FAM168A: variants seen among roughly 807,000 people sequenced by gnomAD.
FAM168A encodes the protein protein FAM168A.
FAM168A carries 3 observed loss-of-function variants against 28.5 expected under a neutral mutation model. The observed-to-expected ratio is 0.11, with a 90% confidence interval of 0.05 to 0.27. The LOEUF (loss-of-function observed/expected upper bound fraction) is 0.27. Among genes scored for constraint, FAM168A ranks in the 10% least tolerant of loss-of-function variants. The pLI is 1.00. For synonymous variants in FAM168A, 122 were observed against 124.2 expected, an observed-to-expected ratio of 0.98 and a Z score of 0.12; for missense variants, 222 against 311.5, an observed-to-expected ratio of 0.71 and a Z score of 2.16.
chr11:73,509,100 A>T (rs1855169451), intron 1 of FAM168A, among the ~76,000 whole-genome samples: 1 of 152,132 alleles, frequency 6.6e-6, no homozygotes, highest in African/African-American at 2.4e-5. Context: ...AGTTTCAGGT[A>T]TGTCTTTATT....
At chr11:73,422,529 G>T (rs1405172962) in intron 3 of FAM168A, among the ~76,000 whole-genome samples, 1 of 152,172 alleles carries the variant, frequency 6.6e-6, no homozygotes, top group Non-Finnish European at 1.5e-5. Context: ...CATTCTATTG[G>T]TGGGAGCGAT....
chr11:73,562,099 C>T (rs980216786), intron 1 of FAM168A, among the ~76,000 whole-genome samples: 2 of 151,980 alleles, frequency 1.3e-5, no homozygotes, highest in Admixed American at 6.6e-5. Flanking sequence ...CACGCCACCA[C>T]GTCCAGCTAA....
At chr11:73,465,583 A>AGG (rs370996904) in intron 2 of FAM168A, among the ~76,000 whole-genome samples, 1 of 151,576 alleles carries the variant, frequency 6.6e-6, no homozygotes, top group Admixed American at 6.6e-5. Flanking sequence ...CAGCATGGTC[A>AGG]TGCTGTGTTG....
chr11:73,475,640 T>TAA (rs141436441), intron 1 of FAM168A, among the ~76,000 whole-genome samples: 1,867 of 149,140 alleles, frequency 0.013, 38 homozygotes, highest in African/African-American at 0.043. Context: ...GATGAAATGT[T>TAA]AAAAAAAAAA....
At chr11:73,519,778 A>ATGTG (rs10567350) in intron 1 of FAM168A, among the ~76,000 whole-genome samples, 1 of 150,036 alleles carries the variant, frequency 6.7e-6, no homozygotes, top group Admixed American at 6.6e-5. Flanking sequence ...CAGAGCATGT[A>ATGTG]TGTGTGTGTG....
chr11:73,423,837 A>G (rs1866839105), intron 3 of FAM168A, among the ~76,000 whole-genome samples: 1 of 152,216 alleles, frequency 6.6e-6, no homozygotes, highest in African/African-American at 2.4e-5. Context: ...TCGTATTTTC[A>G]AAGGGCCAGC....
At chr11:73,570,895 T>C (rs1229994907) in intron 1 of FAM168A, among the ~76,000 whole-genome samples, 1 of 152,178 alleles carries the variant, frequency 6.6e-6, no homozygotes, top group Admixed American at 6.5e-5. Flanking sequence ...GAAACCCATC[T>C]CCTTACTTAG....
intron 1 of FAM168A, among the ~76,000 whole-genome samples, chr11:73,592,127 CTG>C (rs1944390243): frequency 6.6e-6 from 1 of 152,186 alleles, no homozygotes; most frequent in Non-Finnish European, 1.5e-5. Context: ...TTGAAGTTTA[CTG>C]TGAAAAATAT....
At chr11:73,581,332 G>GA (rs1164513510) in intron 1 of FAM168A, among the ~76,000 whole-genome samples, 2 of 152,020 alleles carry the variant, frequency 1.3e-5, no homozygotes, top group Admixed American at 6.6e-5. Flanking sequence ...GTTTGGCTTG[G>GA]AAAAAAACAG....
intron 1 of FAM168A, among the ~76,000 whole-genome samples, chr11:73,503,785 G>A (rs1855056494): frequency 6.6e-6 from 1 of 152,176 alleles, no homozygotes; most frequent in Non-Finnish European, 1.5e-5. Context: ...AACCAAAACA[G>A]CATGGTACTG....
chr11:73,496,763 T>G (rs563187831), intron 1 of FAM168A, among the ~76,000 whole-genome samples: 40 of 152,006 alleles, frequency 2.6e-4, no homozygotes, highest in Non-Finnish European at 5.6e-4. Context: ...GGTTTCACCG[T>G]GTTAGCCAGG....
Position 73,582,462 on chromosome 11 carries a change from G to A in FAM168A, c.-19+15461C>T, listed in dbSNP as rs555750915. ...GGCATGAACCCAGGAGGCGGAGCTT[G>A]CAGTGAGTCGAGATGGTGCCATTGC... On this transcript the variant is annotated intron_variant, in intron 1 of 7. Transcript: ENST00000356467. Among the ~76,000 whole-genome samples the A allele has an allele frequency of 1.3e-5, 2 of 151,744 alleles. 1 individual carries two copies. Among genetic ancestry groups the A allele is most frequent in the South Asian group, 4.2e-4 (2 of 4,808 alleles).
In FAM168A at chr11:73,587,759, T is replaced by C. The variant is rs1944332893; in HGVS notation, c.-19+10164A>G. Among the ~76,000 whole-genome samples, 3 of 152,190 alleles carry C rather than the reference T, an allele frequency of 2.0e-5. No homozygotes were observed. The South Asian group carries it at 6.2e-4, about 31-fold the overall frequency. ...AAATGGAATGTACATTTAAAGCATT[T>C]TTTTTTTTGAGATGGAGTCTAGTTC... is the stretch of plus-strand genomic sequence containing the variant. On this transcript the variant is annotated intron_variant, in intron 1 of 7. Transcript: ENST00000356467.
intron 3 of FAM168A, among the ~76,000 whole-genome samples, chr11:73,422,788 G>A (rs1866821048): frequency 2.0e-5 from 2 of 98,036 alleles, no homozygotes; most frequent in Non-Finnish European, 3.8e-5. Flanking sequence ...TCAATTAAAC[G>A]AGAGAGAGAG....
intron 1 of FAM168A, chr11:73,580,268 T>C: frequency 3.6e-6 from 2 of 556,510 alleles, no homozygotes; most frequent in South Asian, 2.8e-5. Context: ...CAAGAAAGGC[T>C]GAAGGGGATG....
intron 1 of FAM168A, among the ~76,000 whole-genome samples, chr11:73,555,643 G>A (rs1057186222): frequency 6.6e-6 from 1 of 151,576 alleles, no homozygotes; most frequent in Non-Finnish European, 1.5e-5. Flanking sequence ...GGGAGGCAGC[G>A]GTTGCAATGA....
chr11:73,434,955 T>C (rs1326623589), intron 2 of FAM168A, among the ~76,000 whole-genome samples: 1 of 152,224 alleles, frequency 6.6e-6, no homozygotes, highest in Non-Finnish European at 1.5e-5. Flanking sequence ...ACCATCAATT[T>C]GTACTTGTTC....
intron 1 of FAM168A, among the ~76,000 whole-genome samples, chr11:73,480,570 T>C (rs1359622229): frequency 6.6e-6 from 1 of 152,146 alleles, no homozygotes; most frequent in Non-Finnish European, 1.5e-5. Context: ...AGGTGCTGCA[T>C]TAGAACAAAG....
intron 2 of FAM168A, among the ~76,000 whole-genome samples, chr11:73,447,848 G>A (rs142905251): frequency 2.8e-4 from 42 of 152,140 alleles, no homozygotes; most frequent in African/African-American, 9.4e-4. Context: ...TGCAGAAAAA[G>A]CTGCATGGAC....
Sources: allele counts gnomAD v4.1 joint callset (sites outside exome capture counted in the v4.1 genomes callset), GRCh38; gene constraint gnomAD v4.1.1; transcripts MANE v1.5; gene names NCBI Gene and HGNC (gene_info 2026-07-23, HGNC 2026-07-21).